FREM3: variants seen among roughly 807,000 people sequenced by gnomAD.
FREM3 encodes the protein FRAS1 related extracellular matrix 3.
In FREM3, 105 loss-of-function variants were observed where a neutral mutation model predicts 129.1. That is an observed-to-expected ratio of 0.81 (90% CI 0.69 to 0.96). FREM3 has a LOEUF of 0.96. Ranked by LOEUF, FREM3 falls within the 40% of genes least tolerant of loss-of-function variation. FREM3 has a pLI of 0.00. For synonymous variants in FREM3, 1,014 were observed against 1,044.9 expected (o/e 0.97, Z 0.57); for missense variants, 2,593 against 2,666.3 (o/e 0.97, Z 0.61).
intron 1 of FREM3, among the ~76,000 whole-genome samples, chr4:143,694,637 T>C (rs1740533260): frequency 6.6e-6 from 1 of 152,182 alleles, no homozygotes; most frequent in South Asian, 2.1e-4. Context: ...CATTCTTTCT[T>C]TTTTTGTTGT....
chr4:143,643,056 A>G (rs1010487613), intron 2 of FREM3, among the ~76,000 whole-genome samples: 3 of 152,172 alleles, frequency 2.0e-5, no homozygotes, highest in African/African-American at 7.2e-5. Flanking sequence ...GCAAATCAAA[A>G]TCACAATGGG....
At chr4:143,611,686 G>T (rs369635535) in intron 5 of FREM3, among the ~76,000 whole-genome samples, 159 bp from the exon 6 acceptor site, 96 of 152,246 alleles carry the variant, frequency 6.3e-4, no homozygotes, top group Middle Eastern at 3.4e-3. Flanking sequence ...TAAGAAGAAG[G>T]CTTTTGGAAT....
chr4:143,646,169 C>T (rs889736436), intron 2 of FREM3, among the ~76,000 whole-genome samples: 1 of 151,946 alleles, frequency 6.6e-6, no homozygotes, highest in African/African-American at 2.4e-5. Flanking sequence ...TAAAAGTTGC[C>T]CAACATTTAA....
At chr4:143,664,497 TG>T (rs1337448604) in intron 2 of FREM3, among the ~76,000 whole-genome samples, 1 of 152,140 alleles carries the variant, frequency 6.6e-6, no homozygotes, top group Non-Finnish European at 1.5e-5. Flanking sequence ...CTGCCCCTAC[TG>T]GGGGATGCCT....
Position 143,698,489 on chromosome 4 carries a change from T to C in FREM3, c.2187A>G (p.Arg729=). ...GGTCATCAGAGTCCTGGTCAATGTA[T>C]CGGAGGAAATTCTTCTGGAAGTGAG... ...QLTHFQKNFL[R]YIDQDSDDQN... The change falls in exon 1 of 8, where the codon CGA becomes CGG. Residue 729 remains arginine, a synonymous_variant. Transcript: ENST00000329798. 1 of 1,537,788 alleles carries C rather than the reference T, an allele frequency of 6.5e-7. No homozygotes were observed. Among genetic ancestry groups the C allele is most frequent in the Non-Finnish European group, 8.7e-7 (1 of 1,147,036 alleles).
intron 2 of FREM3, among the ~76,000 whole-genome samples, chr4:143,674,220 G>C (rs565969945): frequency 1.3e-5 from 2 of 152,210 alleles, no homozygotes; most frequent in African/African-American, 4.8e-5. Context: ...AGCCGGAAGA[G>C]AGTGGGGGCC....
intron 6 of FREM3, among the ~76,000 whole-genome samples, chr4:143,605,350 T>C (rs1738650791): frequency 6.6e-6 from 1 of 151,686 alleles, no homozygotes; most frequent in Non-Finnish European, 1.5e-5. Context: ...CTTTTACTTG[T>C]TTTTACGTAC....
chr4:143,676,477 G>C (rs1740127003), intron 2 of FREM3, among the ~76,000 whole-genome samples: 1 of 152,124 alleles, frequency 6.6e-6, no homozygotes, highest in Non-Finnish European at 1.5e-5. Flanking sequence ...TTTGAAAACT[G>C]GCACAAGACA....
intron 2 of FREM3, among the ~76,000 whole-genome samples, chr4:143,664,445 A>G (rs1266832251): frequency 2.6e-5 from 4 of 152,092 alleles, no homozygotes; most frequent in Non-Finnish European, 5.9e-5. Context: ...TTCCTCTGGA[A>G]GTTTTGTCTC....
At chr4:143,690,223 T>C (rs768437537) in intron 2 of FREM3, among the ~76,000 whole-genome samples, 2 of 152,162 alleles carry the variant, frequency 1.3e-5, no homozygotes, top group African/African-American at 4.8e-5. Flanking sequence ...GCCATCATTA[T>C]CTTCAGCTCA....
At chr4:143,659,377 A>G (rs993017841) in intron 2 of FREM3, among the ~76,000 whole-genome samples, 1 of 152,074 alleles carries the variant, frequency 6.6e-6, no homozygotes, top group Non-Finnish European at 1.5e-5. Context: ...TTTACTGAGA[A>G]TGATGATTTC....
intron 2 of FREM3, among the ~76,000 whole-genome samples, chr4:143,664,907 A>G (rs1490286839): frequency 6.6e-6 from 1 of 152,098 alleles, no homozygotes; most frequent in Non-Finnish European, 1.5e-5. Context: ...GCGGGATATA[A>G]TCTCCTAGTG....
chr4:143,593,703 G>A (rs1053394149), intron 6 of FREM3, among the ~76,000 whole-genome samples: 28 of 152,332 alleles, frequency 1.8e-4, no homozygotes, highest in Non-Finnish European at 3.2e-4. Flanking sequence ...TGAGGAGGCA[G>A]TCTGCCCGTT....
chr4:143,670,578 AACG>A (rs1310183396), intron 2 of FREM3, among the ~76,000 whole-genome samples: 1 of 152,130 alleles, frequency 6.6e-6, no homozygotes, highest in African/African-American at 2.4e-5. Flanking sequence ...TTTCAAGCAA[AACG>A]ACGTTTTTAA....
intron 5 of FREM3, among the ~76,000 whole-genome samples, chr4:143,614,469 G>A (rs139150690): frequency 6.6e-6 from 1 of 152,324 alleles, no homozygotes; most frequent in Non-Finnish European, 1.5e-5. Flanking sequence ...ACAGTGAAGA[G>A]GCTTCAAGGA....
chr4:143,585,915 C>T lies in FREM3; in HGVS notation c.6107G>A (p.Arg2036Lys), dbSNP rs1317942815. Residue 2036 changes from arginine to lysine, a missense_variant, in exon 7 of 8, where the codon AGA (arginine) becomes AAA (lysine). Physicochemically the swap from Arg to Lys is conservative, Grantham distance 26. This residue lies in a region of FREM3 where 317 missense variants were observed against 399.0 expected (regional missense o/e 0.79). Coordinates refer to ENST00000329798, the MANE Select transcript of FREM3 (RefSeq NM_001168235.2). The surrounding 1 kb of genome is among the most constrained non-coding windows in gnomAD (Gnocchi z 4.2). Reference sequence around the variant, plus strand: ...TGATGGTTGGGAAAGATCAGTGCCTCTTCTCCAAACACAAACCTCCACGTA... The same window carrying T: ...TGATGGTTGGGAAAGATCAGTGCCTTTTCTCCAAACACAAACCTCCACGTA... The part of the protein sequence containing the change: ...ARYVEVCVWR[R>K]GTDLSQPSSI... The T allele has an allele frequency of 1.8e-5, 28 of 1,537,428 alleles. No individual in the cohort carries two copies. Among genetic ancestry groups the T allele is most frequent in the Non-Finnish European group, 2.4e-5 (27 of 1,146,968 alleles).
rs1253393344 is a variant in FREM3 at position 143,577,770 on chromosome 4, A to T, written c.6261T>A (p.Leu2087=). 6.5e-7 allele frequency: 1 copy of T among 1,537,314 alleles called. No homozygotes were observed. The highest frequency in any genetic ancestry group is 8.7e-7 in the Non-Finnish European group (1 of 1,146,932). The change falls in exon 8 of 8, where the codon CTT becomes CTA. Residue 2087 remains leucine, a synonymous_variant. Transcript: ENST00000329798. ...CCAAGGTAGGCTGTCCCAGGTCATC[A>T]AGGATGGTCACTTGGAATGTCTGCA... ...VRMQTFQVTI[L]DDLGQPTLEG...
At chr4:143,629,403 C>T (rs757886882) in intron 2 of FREM3, among the ~76,000 whole-genome samples, 1 of 152,108 alleles carries the variant, frequency 6.6e-6, no homozygotes, top group African/African-American at 2.4e-5. Context: ...CTTAAAGGAA[C>T]TCACTGATGT....
At position 143,639,277 on chromosome 4, in the gene FREM3, T is replaced by G. The variant is rs148562205; in HGVS notation, c.5276-11517A>C. Among the ~76,000 whole-genome samples the G allele has an allele frequency of 2.3e-4, 35 of 152,176 alleles. No homozygotes were observed. The East Asian group carries it at 3.7e-3, about 16-fold the overall frequency. ...TTTCTTCAGGTCAAAAATGGGTGAATGTTCAGAAATTTCAAATAGTTCAAC... is the reference window on the plus strand; with the variant it reads ...TTTCTTCAGGTCAAAAATGGGTGAAGGTTCAGAAATTTCAAATAGTTCAAC... On this transcript the variant is annotated intron_variant, in intron 2 of 7. Transcript: ENST00000329798.
Sources: allele counts gnomAD v4.1 joint callset (sites outside exome capture counted in the v4.1 genomes callset), GRCh38; gene constraint gnomAD v4.1.1; regional missense constraint gnomAD v4.1.1; non-coding constraint Gnocchi (gnomAD v3.1); transcripts MANE v1.5; gene names NCBI Gene and HGNC (gene_info 2026-07-23, HGNC 2026-07-21).